Variants in DAB1 observed in about 807,000 individuals in gnomAD.
DAB1 encodes DAB adaptor protein 1.
Under a neutral mutation model 64.6 loss-of-function variants are expected in DAB1, and 15 were observed. The observed-to-expected ratio is 0.23, with a 90% CI of 0.16 to 0.36. The LOEUF (loss-of-function observed/expected upper bound fraction) is 0.36, where lower values mean the gene tolerates loss of function less well. Among genes scored for constraint, DAB1 ranks in the 10% least tolerant of loss-of-function variants. The pLI is 1.00. For synonymous variants in DAB1, 235 were observed against 251.9 expected (o/e 0.93, Z 0.64); for missense variants, 596 against 706.7 (o/e 0.84, Z 1.78).
chr1:57,744,051 C>T (rs941329395), intron 6 of DAB1, among the ~76,000 whole-genome samples: 1 of 152,216 alleles, frequency 6.6e-6, no homozygotes, highest in African/African-American at 2.4e-5. Context: ...AACCCACAAC[C>T]TTCCAGCTTG....
At chr1:57,889,628 T>C (rs1644276397) in intron 5 of DAB1, among the ~76,000 whole-genome samples, 1 of 152,190 alleles carries the variant, frequency 6.6e-6, no homozygotes, top group Non-Finnish European at 1.5e-5. Context: ...CCCCGTATGA[T>C]CCCAGAACAG....
At chr1:57,385,537 A>G (rs1459455581) in intron 1 of DAB1, among the ~76,000 whole-genome samples, 4 of 152,196 alleles carry the variant, frequency 2.6e-5, no homozygotes, top group East Asian at 1.9e-4. Flanking sequence ...AAAATGAGAC[A>G]TAGCCCCTGC....
chr1:58,229,704 A>AAAGCACTGGCT (rs943825426), intron 4 of DAB1, among the ~76,000 whole-genome samples: 1 of 152,202 alleles, frequency 6.6e-6, no homozygotes, highest in Non-Finnish European at 1.5e-5. Context: ...AAGCACTGGC[A>AAAGCACTGGCT]AAGCACTGGC....
rs183964821 is a variant in DAB1 at position 58,284,696 on chromosome 1, C to A, written n.309+58656G>T. Among the ~76,000 whole-genome samples the A allele has an allele frequency of 3.9e-5, 6 of 152,340 alleles. No homozygotes were observed. The East Asian group carries it at 7.7e-4, about 20-fold the overall frequency. ...TCATCTCCACAGCCTATCTTAGATT[C>A]TTTGCCTCTTTATTATCTCTAATTT... On this transcript the variant is annotated intron_variant and non_coding_transcript_variant, in intron 4 of 20. Transcript: ENST00000485760.
chr1:58,374,575 T>A, intron 3 of DAB1, among the ~76,000 whole-genome samples: 3 of 143,340 alleles, frequency 2.1e-5, no homozygotes, highest in Non-Finnish European at 3.1e-5. Flanking sequence ...CTGTTTTGGT[T>A]ACTGTAGCCT....
chr1:57,903,593 T>A (rs1644507655), intron 5 of DAB1, among the ~76,000 whole-genome samples: 1 of 152,140 alleles, frequency 6.6e-6, no homozygotes. Context: ...TTCCCGATAT[T>A]CCCAAGAAAT....
chr1:57,737,144 A>G (rs929026372), intron 6 of DAB1, among the ~76,000 whole-genome samples: 2 of 152,126 alleles, frequency 1.3e-5, no homozygotes, highest in Non-Finnish European at 2.9e-5. Context: ...GCAGAAAGGG[A>G]GTCAAGAGGC....
intron 5 of DAB1, among the ~76,000 whole-genome samples, chr1:57,946,953 G>C (rs1645193052): frequency 6.6e-6 from 1 of 152,142 alleles, no homozygotes. Flanking sequence ...ATTAGAGCTG[G>C]AAAAGATCTT....
chr1:58,427,296 T>C (rs1051861308), intron 3 of DAB1, among the ~76,000 whole-genome samples: 7 of 152,146 alleles, frequency 4.6e-5, no homozygotes, highest in African/African-American at 1.7e-4. Context: ...GATAGAACCT[T>C]AAGGCCCTCT....
intron 4 of DAB1, among the ~76,000 whole-genome samples, chr1:58,160,001 T>C (rs934532527): frequency 1.3e-5 from 2 of 152,196 alleles, no homozygotes; most frequent in Non-Finnish European, 2.9e-5. Flanking sequence ...GATACCTTTT[T>C]TTTTTCTTAA....
At chr1:58,257,854 T>C (rs1341693891) in intron 4 of DAB1, among the ~76,000 whole-genome samples, 1 of 152,162 alleles carries the variant, frequency 6.6e-6, no homozygotes, top group Non-Finnish European at 1.5e-5. Flanking sequence ...GTTACGTGCA[T>C]CTGGAGCTAG....
chr1:58,392,507 C>G (rs951697006), intron 3 of DAB1, among the ~76,000 whole-genome samples: 1 of 152,182 alleles, frequency 6.6e-6, no homozygotes, highest in African/African-American at 2.4e-5. Flanking sequence ...TATCCACTCT[C>G]TTTTCTGTCC....
intron 3 of DAB1, among the ~76,000 whole-genome samples, chr1:58,483,207 T>C (rs1166287421): frequency 3.3e-5 from 5 of 152,112 alleles, no homozygotes; most frequent in Non-Finnish European, 5.9e-5. Flanking sequence ...GTAAAGGGCC[T>C]TGTGTGAATG....
intron 1 of DAB1, among the ~76,000 whole-genome samples, chr1:57,402,333 T>A (rs1683312363): frequency 6.6e-6 from 1 of 152,210 alleles, no homozygotes; most frequent in African/African-American, 2.4e-5. Context: ...AAGGGTTGAA[T>A]CAGAAAATTG....
At chr1:57,004,293 T>A (rs1645982595) in intron 14 of DAB1, among the ~76,000 whole-genome samples, 1 of 152,248 alleles carries the variant, frequency 6.6e-6, no homozygotes, top group African/African-American at 2.4e-5. Context: ...AAGACGCTCT[T>A]GGAAGCTACC....
At chr1:57,086,306 T>C (rs1007351930) in intron 4 of DAB1, among the ~76,000 whole-genome samples, 1 of 152,086 alleles carries the variant, frequency 6.6e-6, no homozygotes, top group Non-Finnish European at 1.5e-5. Context: ...CCTAGGGCTC[T>C]CTCTAACACA....
chr1:58,020,720 C>T (rs1646803197), intron 5 of DAB1, among the ~76,000 whole-genome samples: 1 of 152,090 alleles, frequency 6.6e-6, no homozygotes, highest in Admixed American at 6.6e-5. Context: ...GAAGAAAAGA[C>T]CAGCCAGGCG....
At chr1:57,451,562 T>A (rs1315444846) in intron 7 of DAB1, among the ~76,000 whole-genome samples, 1 of 152,228 alleles carries the variant, frequency 6.6e-6, no homozygotes, top group Admixed American at 6.5e-5. Context: ...CACATTAAGT[T>A]TGAATTAACA....
At chr1:58,152,726 A>C (rs1655011947) in intron 4 of DAB1, among the ~76,000 whole-genome samples, 1 of 152,250 alleles carries the variant, frequency 6.6e-6, no homozygotes, top group Non-Finnish European at 1.5e-5. Flanking sequence ...ATGACCATGA[A>C]AGAAAATATT....
Sources: allele counts gnomAD v4.1 joint callset (sites outside exome capture counted in the v4.1 genomes callset), GRCh38; gene constraint gnomAD v4.1.1; transcripts MANE v1.5; gene names NCBI Gene and HGNC (gene_info 2026-07-23, HGNC 2026-07-21).